SCHIP1: variants seen among roughly 807,000 people sequenced by gnomAD.
The protein encoded by SCHIP1 is schwannomin interacting protein 1, also known as schwannomin-interacting protein 1.
SCHIP1 carries 8 observed loss-of-function variants against 29.7 expected under a neutral mutation model. The ratio of observed to expected loss-of-function variants is 0.27; its 90% CI spans 0.16 to 0.49. The LOEUF is 0.49. SCHIP1 is among the 20% of genes least tolerant of loss of function. The pLI, the probability that SCHIP1 is intolerant of heterozygous loss-of-function variation, is 0.99. For synonymous variants in SCHIP1, 76 were observed against 94.9 expected, an observed-to-expected ratio of 0.80 and a Z score of 1.16; for missense variants, 193 against 294.6, an observed-to-expected ratio of 0.66 and a Z score of 2.52.
chr3:159,638,950 G>C, the SCHIP1 span, among the ~76,000 whole-genome samples: 1 of 151,858 alleles, frequency 6.6e-6, no homozygotes, highest in African/African-American at 2.4e-5. Flanking sequence ...ATTATCTCGA[G>C]TGCCCTACTT....
chr3:159,638,894 TA>T, the SCHIP1 span, among the ~76,000 whole-genome samples: 1 of 152,184 alleles, frequency 6.6e-6, no homozygotes, highest in African/African-American at 2.4e-5. Context: ...ATGAGATTTT[TA>T]AAAATAGATG....
the SCHIP1 span, among the ~76,000 whole-genome samples, chr3:159,620,334 A>T: frequency 6.6e-6 from 1 of 152,182 alleles, no homozygotes; most frequent in Admixed American, 6.5e-5. Flanking sequence ...AAAATGGAAA[A>T]TGGGAAACAG....
the SCHIP1 span, among the ~76,000 whole-genome samples, chr3:159,643,424 A>G: frequency 3.2e-4 from 49 of 152,080 alleles, no homozygotes; most frequent in South Asian, 6.2e-4. Flanking sequence ...ACAGAGTACC[A>G]ACAGACTCAT....
At chr3:159,823,211 G>A in the SCHIP1 span, among the ~76,000 whole-genome samples, 5 of 152,208 alleles carry the variant, frequency 3.3e-5, no homozygotes, top group East Asian at 3.9e-4. Context: ...GACAGTAGAC[G>A]TAAAGGTGCT....
chr3:159,572,782 A>G, the SCHIP1 span, among the ~76,000 whole-genome samples: 4 of 152,130 alleles, frequency 2.6e-5, no homozygotes, highest in African/African-American at 9.7e-5. Context: ...GGCTTGCTTT[A>G]TGAATCTGGG....
chr3:159,783,183 G>A, the SCHIP1 span, among the ~76,000 whole-genome samples: 2 of 152,198 alleles, frequency 1.3e-5, no homozygotes, highest in East Asian at 1.9e-4. Flanking sequence ...TATTTATTTT[G>A]TTGAGGGAGA....
the SCHIP1 span, among the ~76,000 whole-genome samples, chr3:159,757,878 A>T: frequency 6.6e-6 from 1 of 152,242 alleles, no homozygotes; most frequent in Non-Finnish European, 1.5e-5. Flanking sequence ...AATTATGTCA[A>T]GACATGACCA....
At chr3:159,842,492 T>C (rs1302537247) in intron 1 of SCHIP1, among the ~76,000 whole-genome samples, 6 of 152,186 alleles carry the variant, frequency 3.9e-5, no homozygotes, top group South Asian at 2.1e-4. Context: ...AATGAGCTTT[T>C]AAAACTGAAG....
the SCHIP1 span, among the ~76,000 whole-genome samples, chr3:159,579,870 T>C: frequency 2.6e-5 from 4 of 152,010 alleles, no homozygotes; most frequent in African/African-American, 9.7e-5. Context: ...GGAAGTTAGA[T>C]CAGTAGAGGA....
the SCHIP1 span, among the ~76,000 whole-genome samples, chr3:159,530,596 C>A: frequency 2.0e-5 from 3 of 152,134 alleles, no homozygotes; most frequent in Non-Finnish European, 4.4e-5. Context: ...ATGTACTGAG[C>A]AGATTTGCTC....
At chr3:159,476,399 A>G in the SCHIP1 span, among the ~76,000 whole-genome samples, 1 of 152,188 alleles carries the variant, frequency 6.6e-6, no homozygotes, top group Non-Finnish European at 1.5e-5. Flanking sequence ...AATGTCTTAA[A>G]TTCTTCAACT....
At chr3:159,790,673 G>A in the SCHIP1 span, among the ~76,000 whole-genome samples, 6 of 152,146 alleles carry the variant, frequency 3.9e-5, no homozygotes, top group African/African-American at 9.7e-5. Flanking sequence ...GTGACAGAGC[G>A]AGATTGTCTC....
At chr3:159,799,633 T>C in the SCHIP1 span, among the ~76,000 whole-genome samples, 1 of 152,082 alleles carries the variant, frequency 6.6e-6, no homozygotes, top group African/African-American at 2.4e-5. Context: ...TATGTGGTAG[T>C]GGTGAGAACG....
At chr3:159,831,630 C>T in the SCHIP1 span, among the ~76,000 whole-genome samples, 5 of 152,048 alleles carry the variant, frequency 3.3e-5, no homozygotes, top group Non-Finnish European at 7.4e-5. Context: ...TACTTGAATA[C>T]AAGCATTATG....
chr3:159,706,069 G>T, the SCHIP1 span, among the ~76,000 whole-genome samples: 2 of 152,164 alleles, frequency 1.3e-5, no homozygotes, highest in African/African-American at 2.4e-5. Flanking sequence ...GCTTTCATGG[G>T]AAGCTGAGAT....
chr3:159,843,493 A>C (rs1427356283), intron 1 of SCHIP1, among the ~76,000 whole-genome samples: 1 of 152,064 alleles, frequency 6.6e-6, no homozygotes, highest in South Asian at 2.1e-4. Context: ...ATACAGATGG[A>C]TATGTCTACT....
At chr3:159,665,117 T>C in the SCHIP1 span, among the ~76,000 whole-genome samples, 5 of 152,288 alleles carry the variant, frequency 3.3e-5, no homozygotes, top group Middle Eastern at 0.014. Context: ...AGAGATGGGC[T>C]CTAGCATTGG....
the SCHIP1 span, among the ~76,000 whole-genome samples, chr3:159,385,906 T>G: frequency 6.6e-6 from 1 of 152,070 alleles, no homozygotes; most frequent in East Asian, 1.9e-4. Context: ...CCACGTGTCC[T>G]CATTATTCAA....
At chr3:159,725,800 C>T in the SCHIP1 span, among the ~76,000 whole-genome samples, 2 of 152,058 alleles carry the variant, frequency 1.3e-5, no homozygotes. Context: ...TGTAATTTCA[C>T]TTTATATTTA....
Sources: allele counts gnomAD v4.1 joint callset (sites outside exome capture counted in the v4.1 genomes callset), GRCh38; gene constraint gnomAD v4.1.1; transcripts MANE v1.5; gene names NCBI Gene and HGNC (gene_info 2026-07-23, HGNC 2026-07-21).